NIPBL: variants seen among roughly 807,000 people sequenced by gnomAD.
NIPBL encodes the protein nipped-B-like protein.
A neutral mutation model predicts 321.8 loss-of-function variants in NIPBL; 19 were observed. That is an observed-to-expected ratio of 0.06 (90% CI 0.04 to 0.09). The LOEUF is 0.09. NIPBL is among the 10% of genes least tolerant of loss of function. NIPBL has a pLI of 1.00. For synonymous variants in NIPBL, 1,106 were observed against 1,114.1 expected (o/e 0.99, Z 0.14); for missense variants, 2,210 against 3,327.0 (o/e 0.66, Z 8.26).
rs1265146096 is a variant in NIPBL, at chr5:37,001,017, A to G, written c.3603A>G (p.Arg1201=). ...TGATGGACTCTTCAACTTTTAAGAG[A>G]TTCACAGCCTCAATAGAGAATATTT... ...EEMMDSSTFK[R]FTASIENILD... Residue 1201 remains arginine, a synonymous_variant, in exon 14 of 47, where the codon AGA becomes AGG. Coordinates refer to ENST00000282516, the MANE Select transcript of NIPBL (RefSeq NM_133433.4). The G allele has an allele frequency of 6.2e-7, 1 of 1,612,022 alleles. No individual in the cohort carries two copies. The highest frequency in any genetic ancestry group is 2.2e-5 in the East Asian group (1 of 44,710).
intron 16 of NIPBL, among the ~76,000 whole-genome samples, chr5:37,005,065 A>G (rs188281053): frequency 6.6e-6 from 1 of 152,272 alleles, no homozygotes; most frequent in Non-Finnish European, 1.5e-5. Flanking sequence ...TTGAAACATG[A>G]GGATTTTTTG....
chr5:36,993,782 T>A (rs1745820895), intron 10 of NIPBL, among the ~76,000 whole-genome samples: 2 of 152,268 alleles, frequency 1.3e-5, no homozygotes, highest in African/African-American at 4.8e-5. Context: ...ATTTGTATTC[T>A]TAGAAATTTT....
chr5:36,914,501 C>T (rs1457342377), intron 1 of NIPBL, among the ~76,000 whole-genome samples: 1 of 152,124 alleles, frequency 6.6e-6, no homozygotes, highest in Non-Finnish European at 1.5e-5. Flanking sequence ...AGGTTGCAGT[C>T]AAAACTTTAA....
chr5:37,044,560 C>G (rs1367084270), intron 35 of NIPBL, 73 bp downstream of exon 35: 1 of 1,576,294 alleles, frequency 6.3e-7, no homozygotes, highest in Non-Finnish European at 8.7e-7. Context: ...ATTTTTAAAG[C>G]AAATATTTGT....
At chr5:37,058,591 T>C (rs1027054603) in intron 43 of NIPBL, among the ~76,000 whole-genome samples, 6 of 152,234 alleles carry the variant, frequency 3.9e-5, no homozygotes, top group Admixed American at 6.5e-5. Context: ...ATGCACCAAA[T>C]TGATACTTTT....
chr5:36,901,010 C>T (rs1020453144), intron 1 of NIPBL, among the ~76,000 whole-genome samples: 1 of 151,882 alleles, frequency 6.6e-6, no homozygotes. Context: ...GGGTAAATTG[C>T]GAGTCGCAGG....
chr5:36,948,686 G>A (rs1739952512), intron 1 of NIPBL, among the ~76,000 whole-genome samples: 1 of 151,826 alleles, frequency 6.6e-6, no homozygotes, highest in Non-Finnish European at 1.5e-5. Flanking sequence ...AAATACCATG[G>A]TGTTTACTTA....
intron 32 of NIPBL, among the ~76,000 whole-genome samples, chr5:37,030,760 C>CTTT (rs1196942104): frequency 6.9e-6 from 1 of 144,574 alleles, no homozygotes; most frequent in Middle Eastern, 3.3e-3. Context: ...GTTAGTATAT[C>CTTT]TTTTTTTTTT....
At chr5:37,037,482 C>G (rs1736538878) in intron 33 of NIPBL, among the ~76,000 whole-genome samples, 2 of 149,560 alleles carry the variant, frequency 1.3e-5, no homozygotes, top group African/African-American at 4.9e-5. Context: ...CGCACAAAGA[C>G]TAGCATTACT....
intron 3 of NIPBL, 77 bp downstream of exon 3, chr5:36,955,714 A>G: frequency 8.6e-7 from 1 of 1,163,940 alleles, no homozygotes; most frequent in African/African-American, 1.5e-5. Flanking sequence ...TCCTGGTTTT[A>G]TTTCAGAAAT....
intron 1 of NIPBL, among the ~76,000 whole-genome samples, chr5:36,894,213 G>T (rs1257479242): frequency 1.3e-5 from 2 of 151,962 alleles, no homozygotes; most frequent in Admixed American, 6.6e-5. Context: ...AGGAAGGAAG[G>T]TATTTGATAA....
intron 2 of NIPBL, chr5:36,954,888 A>G (rs1740769132): frequency 6.5e-6 from 1 of 153,314 alleles, no homozygotes; most frequent in Non-Finnish European, 1.5e-5. Context: ...CTACTATAAA[A>G]CATTTATGTT....
chr5:36,894,589 C>CT (rs1746592654), intron 1 of NIPBL, among the ~76,000 whole-genome samples: 1 of 152,108 alleles, frequency 6.6e-6, no homozygotes, highest in East Asian at 1.9e-4. Context: ...CATTTACCTC[C>CT]TTTTTTATCC....
chr5:36,894,069 A>T (rs1192464310), intron 1 of NIPBL, among the ~76,000 whole-genome samples: 1 of 152,206 alleles, frequency 6.6e-6, no homozygotes, highest in Non-Finnish European at 1.5e-5. Flanking sequence ...ATGTGTTCAC[A>T]CTAAGTCCTC....
intron 10 of NIPBL, among the ~76,000 whole-genome samples, chr5:36,990,254 G>A (rs899737568): frequency 2.0e-5 from 3 of 152,128 alleles, no homozygotes; most frequent in Non-Finnish European, 2.9e-5. Flanking sequence ...GACAGTGATC[G>A]CACTTCAGTT....
Position 36,953,893 on chromosome 5 carries a change from A to AG in NIPBL, c.64+134dup, listed in dbSNP as rs1740666262. On this transcript the variant is annotated intron_variant, in intron 2 of 46. Transcript: ENST00000282516. ...AATAGCAACTGAAACTGCCCTTTAAAGAAAAAAAAAATTGATAGCCTAATT... is the reference window on the plus strand; with the variant it reads ...AATAGCAACTGAAACTGCCCTTTAAAGGAAAAAAAAAATTGATAGCCTAATT... The AG allele has an allele frequency of 4.0e-6, 3 of 743,160 alleles. No homozygotes were observed. The African/African-American group carries it at 5.3e-5, about 13-fold the overall frequency. 46.0% of individuals were successfully genotyped at this position (743,160 alleles called of 1,614,324 possible).
intron 1 of NIPBL, among the ~76,000 whole-genome samples, chr5:36,880,406 GTGCT>G (rs139721711): frequency 0.022 from 3,398 of 151,992 alleles, 89 homozygotes; most frequent in East Asian, 0.12. Context: ...CTCCTTTCTG[GTGCT>G]TATTAGGAAA....
chr5:36,893,486 A>G (rs1049887193), intron 1 of NIPBL, among the ~76,000 whole-genome samples: 4 of 151,730 alleles, frequency 2.6e-5, no homozygotes, highest in African/African-American at 4.9e-5. Context: ...AGAATCACCT[A>G]GGGATTTTTT....
intron 32 of NIPBL, among the ~76,000 whole-genome samples, chr5:37,032,820 T>TA (rs1343272050): frequency 1.3e-5 from 2 of 152,100 alleles, no homozygotes; most frequent in Admixed American, 1.3e-4. Context: ...TGATGGTCGT[T>TA]AGAGAGTGTT....
Sources: allele counts gnomAD v4.1 joint callset (sites outside exome capture counted in the v4.1 genomes callset), GRCh38; gene constraint gnomAD v4.1.1; transcripts MANE v1.5; gene names NCBI Gene and HGNC (gene_info 2026-07-23, HGNC 2026-07-21).